USP6NL: variants seen among roughly 807,000 people sequenced by gnomAD.
USP6NL encodes the protein USP6 N-terminal-like protein.
In USP6NL, 26 loss-of-function variants were observed where a neutral mutation model predicts 61.9. That is an observed-to-expected ratio of 0.42 (90% CI 0.31 to 0.58). The LOEUF is 0.58. Ranked by LOEUF, USP6NL falls within the 20% of genes least tolerant of loss-of-function variation. The pLI, the probability that USP6NL is intolerant of heterozygous loss-of-function variation, is 0.16. For synonymous variants in USP6NL, 432 were observed against 390.1 expected (o/e 1.11, Z -1.27); for missense variants, 1,114 against 1,034.3 (o/e 1.08, Z -1.06).
At chr10:11,555,927 G>C (rs1485096787) in intron 2 of USP6NL, among the ~76,000 whole-genome samples, 1 of 152,060 alleles carries the variant, frequency 6.6e-6, no homozygotes, top group South Asian at 2.1e-4. Context: ...CAAAACTGAA[G>C]GCAAAAATAA....
intron 2 of USP6NL, among the ~76,000 whole-genome samples, chr10:11,541,028 A>G (rs1836026270): frequency 6.6e-6 from 1 of 150,998 alleles, no homozygotes; most frequent in Admixed American, 6.6e-5. Flanking sequence ...CAAGCACAGT[A>G]CCACAGAATT....
intron 14 of USP6NL, among the ~76,000 whole-genome samples, chr10:11,467,917 G>A (rs958019947): frequency 5.3e-5 from 8 of 152,204 alleles, no homozygotes; most frequent in Non-Finnish European, 1.5e-5. Flanking sequence ...TAAATCTGCA[G>A]TTTTGGTGTA....
In USP6NL at chr10:11,562,588, G is replaced by A. The variant is rs1393916769; in HGVS notation, c.5-35021C>T. On this transcript the variant is annotated intron_variant, in intron 2 of 14. Transcript: ENST00000609104. The surrounding 1 kb of genome is among the most constrained non-coding windows in gnomAD (Gnocchi z 4.8). Reference sequence around the variant, plus strand: ...TGGACTGTTTCAGCCACTCAGCCAGGTTTTAAATTACTTGCAACTAAATGT... The same window carrying A: ...TGGACTGTTTCAGCCACTCAGCCAGATTTTAAATTACTTGCAACTAAATGT... 15 of 985,254 alleles carry A rather than the reference G, an allele frequency of 1.5e-5. No individual in the cohort carries two copies. Among genetic ancestry groups the A allele is most frequent in the Non-Finnish European group, 1.8e-5 (15 of 829,930 alleles). The allele number at this position is 985,254 out of a possible 1,614,324, so 61.0% of individuals were successfully genotyped here.
intron 8 of USP6NL, 119 bp downstream of exon 8, chr10:11,493,000 A>G (rs1833765631): frequency 2.5e-6 from 2 of 801,784 alleles, no homozygotes; most frequent in Non-Finnish European, 3.8e-6. Flanking sequence ...ATGATCTGCA[A>G]AAGCTTAAAC....
At position 11,463,696 on chromosome 10, in the gene USP6NL, C is replaced by T; in HGVS notation, c.1232G>A (p.Arg411Lys). The T allele has an allele frequency of 6.2e-7, 1 of 1,613,360 alleles. No individual in the cohort carries two copies. The highest frequency in any genetic ancestry group is 8.5e-7 in the Non-Finnish European group (1 of 1,179,558). Reference protein sequence around the residue: ...GRRESGAPHRRHEHSPHPQSR... With the variant: ...GRRESGAPHRKHEHSPHPQSR... ...CTGGGGGTGCGGGGAGTGCTCGTGC[C>T]TCCTGTGGGGCGCCCCGCTCTCCCT... The change falls in exon 15 of 15, where the codon AGG becomes AAG. Residue 411 changes from arginine to lysine, a missense_variant. By Grantham distance (26) the Arg-to-Lys change is conservative (BLOSUM62 2). Coordinates refer to ENST00000609104, the MANE Select transcript of USP6NL (RefSeq NM_014688.5). This position sits in a 1 kb window ranked among gnomAD's most constrained non-coding sequence, Gnocchi z 6.3.
chr10:11,592,337 C>A lies in USP6NL; in HGVS notation c.4+5294G>T, dbSNP rs1838181939. 6.6e-6 allele frequency among the ~76,000 whole-genome samples: 1 copy of A among 152,204 alleles called. No individual in the cohort carries two copies. Among genetic ancestry groups the A allele is most frequent in the South Asian group, 2.1e-4 (1 of 4,830 alleles). ...CAATTTCTGCTGGCATTCTTCACCA[C>A]TGACTACAGCTAAAGGCTGCCACAG... On this transcript the variant is annotated intron_variant, in intron 2 of 14. Transcript: ENST00000609104. This position sits in a 1 kb window ranked among gnomAD's most constrained non-coding sequence, Gnocchi z 4.7.
Position 11,480,181 on chromosome 10 carries a change from C to T in USP6NL, c.1078+1589G>A, listed in dbSNP as rs371721722. Among the ~76,000 whole-genome samples, 55 of 152,268 alleles carry T rather than the reference C, an allele frequency of 3.6e-4. 1 individual carries two copies. In the South Asian group the frequency reaches 0.011, roughly 30 times the overall value. Reference sequence around the variant, plus strand: ...TACAGACTACTGCTACTAGGTTTCCCTATCTGCACAATGTAGATGAGCACT... The same window carrying T: ...TACAGACTACTGCTACTAGGTTTCCTTATCTGCACAATGTAGATGAGCACT... On this transcript the variant is annotated intron_variant, in intron 14 of 14. Transcript: ENST00000609104.
intron 14 of USP6NL, among the ~76,000 whole-genome samples, chr10:11,475,381 T>C (rs1049340032): frequency 1.3e-5 from 2 of 149,290 alleles, no homozygotes; most frequent in Non-Finnish European, 3.0e-5. Flanking sequence ...CACCTGAGGG[T>C]CAGGAGTTCG....
chr10:11,578,577 T>G (rs1837634869), intron 2 of USP6NL, among the ~76,000 whole-genome samples: 1 of 152,178 alleles, frequency 6.6e-6, no homozygotes, highest in African/African-American at 2.4e-5. Flanking sequence ...GCACTCCACC[T>G]CTAGCCTGGG....
At chr10:11,543,028 A>G (rs1203247446) in intron 2 of USP6NL, among the ~76,000 whole-genome samples, 1 of 152,176 alleles carries the variant, frequency 6.6e-6, no homozygotes, top group Non-Finnish European at 1.5e-5. Flanking sequence ...GTCATCAAGA[A>G]AGCTAAATAA....
In USP6NL at chr10:11,557,013, CAGA is replaced by C. The variant is rs556766353; in HGVS notation, c.5-29449_5-29447del. On this transcript the variant is annotated intron_variant, in intron 2 of 14. Coordinates refer to ENST00000609104, the MANE Select transcript of USP6NL (RefSeq NM_014688.5). ...CTTCGCTTTGGATCACAGAGAATTTCAGAAGAAGTCTAGAACAACTCCATATCC... is the reference window on the plus strand; with the variant it reads ...CTTCGCTTTGGATCACAGAGAATTTCAGAAGTCTAGAACAACTCCATATCC... 5.0e-4 allele frequency among the ~76,000 whole-genome samples: 76 copies of C among 152,268 alleles called. 1 individual carries two copies. In the South Asian group the frequency reaches 0.015, roughly 30 times the overall value.
chr10:11,559,108 A>G (rs143887605), intron 2 of USP6NL, among the ~76,000 whole-genome samples: 1 of 152,332 alleles, frequency 6.6e-6, no homozygotes, highest in East Asian at 1.9e-4. Context: ...TAATAGAGCA[A>G]CAAAGGTAAG....
At chr10:11,547,217 G>A (rs1182334980) in intron 2 of USP6NL, among the ~76,000 whole-genome samples, 1 of 152,204 alleles carries the variant, frequency 6.6e-6, no homozygotes, top group Non-Finnish European at 1.5e-5. Context: ...GGGGCTCAAT[G>A]TCCACTAAGT....
chr10:11,560,524 C>A (rs576833045), intron 2 of USP6NL, among the ~76,000 whole-genome samples: 1 of 151,648 alleles, frequency 6.6e-6, no homozygotes, highest in South Asian at 2.1e-4. Context: ...AAACATGCTA[C>A]CCCCCTCCTT....
intron 2 of USP6NL, among the ~76,000 whole-genome samples, chr10:11,551,928 G>T (rs1836503890): frequency 6.6e-6 from 1 of 152,200 alleles, no homozygotes; most frequent in South Asian, 2.1e-4. Context: ...TCCTAAAATG[G>T]GCTTTAGTTG....
Position 11,468,488 on chromosome 10 carries a change from C to T in USP6NL, c.1079-4639G>A, listed in dbSNP as rs1056509780. Among the ~76,000 whole-genome samples, 3 of 152,220 alleles carry T rather than the reference C, an allele frequency of 2.0e-5. No homozygotes were observed. The highest frequency in any genetic ancestry group is 2.9e-5 in the Non-Finnish European group (2 of 68,040). On this transcript the variant is annotated intron_variant, in intron 14 of 14. Coordinates refer to ENST00000609104, the MANE Select transcript of USP6NL (RefSeq NM_014688.5). The surrounding 1 kb of genome is among the most constrained non-coding windows in gnomAD (Gnocchi z 4.5). Reference sequence around the variant, plus strand: ...TACACCCCTCACTCAGAGGAGTGGTCCTGTCCTTCCCCTAGTTCTCATTCA... The same window carrying T: ...TACACCCCTCACTCAGAGGAGTGGTTCTGTCCTTCCCCTAGTTCTCATTCA...
At position 11,518,724 on chromosome 10, in the gene USP6NL, G is replaced by T. The variant is rs771807528; in HGVS notation, c.156-150C>A. 2 of 634,152 alleles carry T rather than the reference G, an allele frequency of 3.2e-6. No individual in the cohort carries two copies. Among genetic ancestry groups the T allele is most frequent in the Non-Finnish European group, 5.3e-6 (2 of 377,718 alleles). The allele number at this position is 634,152 out of a possible 1,614,324, so 39.3% of individuals were successfully genotyped here. On this transcript the variant is annotated intron_variant, in intron 4 of 14. Coordinates refer to ENST00000609104, the MANE Select transcript of USP6NL (RefSeq NM_014688.5). The surrounding 1 kb of genome is among the most constrained non-coding windows in gnomAD (Gnocchi z 5.3). ...CCATTCATTGAATTCAATATGAAAT[G>T]ATAGCTACTCTAGAACCACAGGGCC...
chr10:11,462,711 A>G lies in USP6NL; in HGVS notation c.2217T>C (p.Val739=). Residue 739 remains valine (V), a synonymous_variant, in exon 15 of 15, where the codon GTT becomes GTC. Transcript: ENST00000609104. ...YLPDNRTWSE[V]SYTYRPETQG... is the part of the protein sequence containing the mutation. The stretch of plus-strand genomic sequence containing the variant: ...GCGTCTCAGGTCTGTATGTATAACT[A>G]ACTTCTGACCATGTTCTGTTATCTG... 1 of 1,613,992 alleles carries G rather than the reference A, an allele frequency of 6.2e-7. No homozygotes were observed. The highest frequency in any genetic ancestry group is 8.5e-7 in the Non-Finnish European group (1 of 1,179,898).
chr10:11,526,223 G>GA (rs1220812713), intron 3 of USP6NL, among the ~76,000 whole-genome samples: 1 of 152,116 alleles, frequency 6.6e-6, no homozygotes, highest in African/African-American at 2.4e-5. Flanking sequence ...AACTAACACT[G>GA]ATCAGTGAAG....
Sources: gnomAD v4.1 joint callset for allele counts (sites outside exome capture counted in the v4.1 genomes callset) on GRCh38, gnomAD v4.1.1 for gene constraint, Gnocchi (gnomAD v3.1) non-coding constraint, MANE v1.5 for transcripts, NCBI Gene and HGNC (gene_info 2026-07-23, HGNC 2026-07-21) for gene names.